RFFL: variants seen among roughly 807,000 people sequenced by gnomAD.
RFFL encodes the protein ring finger and FYVE like domain containing E3 ubiquitin protein ligase, also known as E3 ubiquitin-protein ligase rififylin.
RFFL carries 16 observed loss-of-function variants against 40.4 expected under a neutral mutation model. That is an observed-to-expected ratio of 0.40 (90% CI 0.27 to 0.60). RFFL has a LOEUF of 0.60. RFFL is among the 20% of genes least tolerant of loss of function. RFFL has a pLI of 0.47. For missense variants in RFFL, 367 were observed against 451.7 expected, an observed-to-expected ratio of 0.81 and a Z score of 1.70; for synonymous variants, 154 against 167.9, an observed-to-expected ratio of 0.92 and a Z score of 0.64.
intron 1 of RFFL, among the ~76,000 whole-genome samples, chr17:35,077,456 T>C (rs1166154586): frequency 5.3e-5 from 8 of 152,224 alleles, no homozygotes; most frequent in Admixed American, 1.3e-4. Flanking sequence ...TCCAAGTGCA[T>C]GATTTTTCTG....
intron 1 of RFFL, among the ~76,000 whole-genome samples, chr17:35,054,317 G>A (rs2091247644): frequency 6.6e-6 from 1 of 152,080 alleles, no homozygotes. Context: ...ACACAATTTT[G>A]CTTAACAACA....
At chr17:35,056,701 T>C (rs2091263508) in intron 1 of RFFL, among the ~76,000 whole-genome samples, 1 of 151,938 alleles carries the variant, frequency 6.6e-6, no homozygotes, top group African/African-American at 2.4e-5. Context: ...AAATGCATCC[T>C]GCAACTATCC....
chr17:35,084,259 T>C (rs1011432867), intron 1 of RFFL, among the ~76,000 whole-genome samples: 4 of 151,844 alleles, frequency 2.6e-5, no homozygotes, highest in Non-Finnish European at 5.9e-5. Context: ...TAAAAACCAC[T>C]TGGGGAGCTT....
At chr17:35,088,064 C>T (rs2091439788) in intron 1 of RFFL, among the ~76,000 whole-genome samples, 1 of 152,158 alleles carries the variant, frequency 6.6e-6, no homozygotes, top group Non-Finnish European at 1.5e-5. Context: ...GAGAATAAGG[C>T]ACCCCAAACA....
intron 1 of RFFL, among the ~76,000 whole-genome samples, chr17:35,037,209 C>A (rs1297356193): frequency 6.6e-6 from 1 of 152,158 alleles, no homozygotes; most frequent in African/African-American, 2.4e-5. Context: ...CAGAAAAGGG[C>A]TGGAAAGCAA....
chr17:35,023,458 C>T (rs557887938), intron 2 of RFFL, among the ~76,000 whole-genome samples: 1 of 152,366 alleles, frequency 6.6e-6, no homozygotes, highest in South Asian at 2.1e-4. Flanking sequence ...CCAAACAATA[C>T]TGTTCAGAGA....
chr17:35,081,097 G>A (rs1302373382), intron 1 of RFFL, among the ~76,000 whole-genome samples: 1 of 152,122 alleles, frequency 6.6e-6, no homozygotes, highest in Non-Finnish European at 1.5e-5. Flanking sequence ...CTTTTTAGAG[G>A]AGAGGACAAT....
At chr17:35,049,894 C>T (rs1013349956) in intron 1 of RFFL, among the ~76,000 whole-genome samples, 1 of 151,868 alleles carries the variant, frequency 6.6e-6, no homozygotes, top group Non-Finnish European at 1.5e-5. Flanking sequence ...CCAGCCTGGC[C>T]AACATGGCGA....
rs941906269 is a variant in RFFL at position 35,026,486 on chromosome 17, C to G, written c.68G>C (p.Gly23Ala). 6.2e-7 allele frequency: 1 copy of G among 1,612,134 alleles called. No individual in the cohort carries two copies. The highest frequency in any genetic ancestry group is 8.5e-7 in the Non-Finnish European group (1 of 1,179,398). ...GQPEEVPPPQ[G>A]ARMQAYSNPG... ...GTTGGAATAGGCCTGCATCCTGGCT[C>G]CCTGGGGTGGTGGGACCTCCTCAGG... Residue 23 changes from glycine to alanine, a missense_variant, in exon 2 of 7, where the codon GGA becomes GCA. Physicochemically the swap from Gly to Ala is moderately conservative, Grantham distance 60. Coordinates refer to ENST00000394597, the MANE Select transcript of RFFL (RefSeq NM_001017368.2).
At chr17:35,053,277 A>T (rs16970593) in intron 1 of RFFL, among the ~76,000 whole-genome samples, 3,826 of 152,326 alleles carry the variant, frequency 0.025, 165 homozygotes, top group African/African-American at 0.086. Flanking sequence ...CCAAACCAAA[A>T]GCAAGAAGAG....
Position 35,011,731 on chromosome 17 carries a change from A to G in RFFL, c.*237T>C, listed in dbSNP as rs982199326. 1.9e-5 allele frequency: 10 copies of G among 517,758 alleles called. No individual in the cohort carries two copies. Among genetic ancestry groups the G allele is most frequent in the African/African-American group, 1.1e-4 (6 of 52,226 alleles). 32.1% of individuals were successfully genotyped at this position (517,758 alleles called of 1,614,324 possible). On this transcript the variant is annotated 3_prime_UTR_variant, in exon 7 of 7. Coordinates refer to ENST00000394597, the MANE Select transcript of RFFL (RefSeq NM_001017368.2). ...ACCATCATCACTCCAAGATCACTGAACCAAGAACATACCCATGTGATTTAT... is the reference window on the plus strand; with the variant it reads ...ACCATCATCACTCCAAGATCACTGAGCCAAGAACATACCCATGTGATTTAT...
chr17:35,056,150 C>T (rs2091260016), intron 1 of RFFL, among the ~76,000 whole-genome samples: 1 of 152,076 alleles, frequency 6.6e-6, no homozygotes, highest in African/African-American at 2.4e-5. Context: ...ACACATCAGA[C>T]AGCACACTTA....
At chr17:35,078,816 C>CA (rs1258757877) in intron 1 of RFFL, among the ~76,000 whole-genome samples, 1 of 151,768 alleles carries the variant, frequency 6.6e-6, no homozygotes, top group Non-Finnish European at 1.5e-5. Flanking sequence ...CCCGTCTCTA[C>CA]AAAAAATACA....
At chr17:35,067,908 T>C (rs1228504086), upstream of RFFL, among the ~76,000 whole-genome samples, 1 of 152,168 alleles carries the variant, frequency 6.6e-6, no homozygotes, top group African/African-American at 2.4e-5. Flanking sequence ...GTCCTAAACA[T>C]AAGTCCGCTC....
intron 1 of RFFL, among the ~76,000 whole-genome samples, chr17:35,047,447 C>T (rs1174736539): frequency 6.6e-6 from 1 of 152,186 alleles, no homozygotes; most frequent in Non-Finnish European, 1.5e-5. Flanking sequence ...CATGTCAAAG[C>T]ATTTAACCCA....
intron 1 of RFFL, among the ~76,000 whole-genome samples, chr17:35,061,245 T>C (rs1597836555): frequency 1.3e-5 from 2 of 152,190 alleles, no homozygotes; most frequent in African/African-American, 4.8e-5. Context: ...ATGGAGAAGA[T>C]AGGAGCAAGG....
chr17:35,028,744 T>G (rs919800215), intron 1 of RFFL, among the ~76,000 whole-genome samples: 3 of 152,024 alleles, frequency 2.0e-5, no homozygotes, highest in African/African-American at 7.3e-5. Context: ...CTGGGTTATT[T>G]CATCGAGGAA....
rs778758723 is a variant in RFFL at position 35,021,693 on chromosome 17, C to T, written c.269G>A (p.Arg90Gln). The T allele has an allele frequency of 6.8e-6, 11 of 1,614,102 alleles. No homozygotes were observed. Among genetic ancestry groups the T allele is most frequent in the South Asian group, 1.1e-5 (1 of 91,090 alleles). ...TCGCTGAAAGGCTGTAGCTCGAAAC[C>T]GTTGGCAGAGAAGGCAGAGGCGGGG... ...NGPRLCLLCQ[R>Q]FRATAFQREE... is the part of the protein sequence containing the mutation. Residue 90 changes from arginine to glutamine, a missense_variant, in exon 3 of 7, where the codon CGG (arginine) becomes CAG (glutamine). Physicochemically the swap from Arg to Gln is conservative, Grantham distance 43. Transcript: ENST00000394597.
intron 1 of RFFL, among the ~76,000 whole-genome samples, chr17:35,054,986 T>C (rs1439405396): frequency 1.3e-5 from 2 of 151,826 alleles, no homozygotes; most frequent in Non-Finnish European, 2.9e-5. Context: ...GGCGCGATTT[T>C]GGCTCACTGC....
Sources: allele counts gnomAD v4.1 joint callset (sites outside exome capture counted in the v4.1 genomes callset), GRCh38; gene constraint gnomAD v4.1.1; transcripts MANE v1.5; gene names NCBI Gene and HGNC (gene_info 2026-07-23, HGNC 2026-07-21).